UQCC6: variants seen among roughly 807,000 people sequenced by gnomAD.
The protein encoded by UQCC6 is ubiquinol-cytochrome c reductase complex assembly factor 6, also known as protein BRAWNIN.
the UQCC6 span, among the ~76,000 whole-genome samples, chr12:103,961,546 G>GTTGTTGTTGTTGTTGTACTGTTTGGTT: frequency 3.3e-4 from 27 of 81,944 alleles, no homozygotes; most frequent in East Asian, 8.8e-3. Flanking sequence ...TTTTGTTGTT[G>GTTGTTGTTGTTGTTGTACTGTTTGGTT]TTGTTGTTGT....
At chr12:103,955,738 C>T in the UQCC6 span, 1 of 455,890 alleles carries the variant, frequency 2.2e-6, no homozygotes, top group South Asian at 1.5e-5. Flanking sequence ...GAAATGACTG[C>T]TCCCAACATT....
At chr12:103,957,989 TATA>T in the UQCC6 span, among the ~76,000 whole-genome samples, 346 of 143,338 alleles carry the variant, frequency 2.4e-3, no homozygotes, top group Non-Finnish European at 4.0e-3. Flanking sequence ...TATATATTTA[TATA>T]TTTATAATAT....
chr12:103,954,822 G>T, the UQCC6 span: 1 of 641,168 alleles, frequency 1.6e-6, no homozygotes, highest in Non-Finnish European at 2.8e-6. Flanking sequence ...CAATTTGAAT[G>T]TTTTACAAGA....
chr12:103,960,154 C>T, the UQCC6 span, among the ~76,000 whole-genome samples: 44 of 151,986 alleles, frequency 2.9e-4, no homozygotes, highest in Middle Eastern at 6.8e-3. Flanking sequence ...GTGGCGTGAC[C>T]TTGACTCCTG....
At chr12:103,954,223 C>G in the UQCC6 span, among the ~76,000 whole-genome samples, 24 of 152,198 alleles carry the variant, frequency 1.6e-4, no homozygotes, top group African/African-American at 5.8e-4. Context: ...TACGTGAACT[C>G]CTATTCACAT....
chr12:103,959,553 A>G, the UQCC6 span, among the ~76,000 whole-genome samples: 1 of 148,496 alleles, frequency 6.7e-6, no homozygotes, highest in African/African-American at 2.5e-5. Context: ...TCTCTACTAA[A>G]ATACAAAAAT....
At chr12:103,957,138 AC>A in the UQCC6 span, 1 of 169,782 alleles carries the variant, frequency 5.9e-6, no homozygotes, top group Non-Finnish European at 1.3e-5. Context: ...TAGAGACTGT[AC>A]CGCGAACTGC....
the UQCC6 span, chr12:103,955,861 T>TA: frequency 2.2e-6 from 1 of 452,146 alleles, no homozygotes. Context: ...AAAGAACCTT[T>TA]AATTCTAGTT....
chr12:103,957,996 A>T, the UQCC6 span, among the ~76,000 whole-genome samples: 120,512 of 142,962 alleles, frequency 0.84, 50,947 homozygotes, highest in East Asian at 0.99. Context: ...TTATATATTT[A>T]TAATATATAT....
At chr12:103,961,005 G>A in the UQCC6 span, among the ~76,000 whole-genome samples, 12,594 of 152,002 alleles carry the variant, frequency 0.083, 722 homozygotes, top group East Asian at 0.22. Context: ...TCCTTCACAA[G>A]GTACTCCAGA....
chr12:103,964,737 G>A, the UQCC6 span, among the ~76,000 whole-genome samples: 1 of 152,198 alleles, frequency 6.6e-6, no homozygotes, highest in Non-Finnish European at 1.5e-5. Flanking sequence ...CAAAATCAGA[G>A]AGGATGGGCT....
the UQCC6 span, chr12:103,956,465 C>A: frequency 3.4e-6 from 2 of 594,128 alleles, no homozygotes; most frequent in Middle Eastern, 4.0e-4. Context: ...GGGCCCAGGG[C>A]AAATGTGATC....
At chr12:103,956,697 G>A in the UQCC6 span, 2 of 1,551,732 alleles carry the variant, frequency 1.3e-6, no homozygotes, top group African/African-American at 1.4e-5. Flanking sequence ...GACTGGCTGC[G>A]AACATTTTCA....
At chr12:103,965,677 G>C in the UQCC6 span, 1 of 275,572 alleles carries the variant, frequency 3.6e-6, no homozygotes, top group East Asian at 6.4e-5. Flanking sequence ...AAAAGCTGAC[G>C]TCGGCAGAGC....
the UQCC6 span, among the ~76,000 whole-genome samples, chr12:103,963,872 AG>A: frequency 6.6e-6 from 1 of 152,254 alleles, no homozygotes; most frequent in South Asian, 2.1e-4. Context: ...CCAGCACCAG[AG>A]CAATGAACAA....
the UQCC6 span, chr12:103,953,785 A>G: frequency 1.8e-6 from 1 of 543,086 alleles, no homozygotes; most frequent in Non-Finnish European, 3.3e-6. Context: ...CCCAAGGTAC[A>G]GGTAGCTGCT....
chr12:103,959,558 A>G, the UQCC6 span, among the ~76,000 whole-genome samples: 3 of 124,360 alleles, frequency 2.4e-5, no homozygotes, highest in Non-Finnish European at 3.7e-5. Context: ...ACTAAAATAC[A>G]AAAATTGGCC....
chr12:103,950,209 G>A, the UQCC6 span: 1 of 152,130 alleles, frequency 6.6e-6, no homozygotes, highest in Non-Finnish European at 1.5e-5. Context: ...GGATAATATA[G>A]TACTGCCTTT....
At chr12:103,956,899 G>A in the UQCC6 span, 8 of 589,640 alleles carry the variant, frequency 1.4e-5, no homozygotes, top group Non-Finnish European at 2.1e-5. Flanking sequence ...CCACGCCTCG[G>A]TTTCCTCCTT....
Sources: allele counts gnomAD v4.1 joint callset (sites outside exome capture counted in the v4.1 genomes callset), GRCh38; gene constraint gnomAD v4.1.1; transcripts MANE v1.5; gene names NCBI Gene and HGNC (gene_info 2026-07-23, HGNC 2026-07-21).